Variants in UGT3A2 observed in about 807,000 individuals in gnomAD.
The protein encoded by UGT3A2 is UDP glycosyltransferase family 3 member A2, also known as UDP-glycosyltransferase 3A2.
Under a neutral mutation model 39.8 loss-of-function variants are expected in UGT3A2, and 32 were observed. That is an observed-to-expected ratio of 0.80 (90% CI 0.61 to 1.08). The LOEUF (loss-of-function observed/expected upper bound fraction) is 1.08, where lower values mean the gene tolerates loss of function less well. Ranked by LOEUF, UGT3A2 falls within the 50% of genes least tolerant of loss-of-function variation. The probability of loss-of-function intolerance (pLI) is 0.00; values close to 1 mark genes in which losing one functional copy is unlikely to be tolerated. For missense variants in UGT3A2, 611 were observed against 637.1 expected (o/e 0.96, Z 0.44); for synonymous variants, 241 against 230.7 (o/e 1.04, Z -0.40).
chr5:36,050,817 G>T (rs961867413), intron 3 of UGT3A2, among the ~76,000 whole-genome samples: 1 of 150,974 alleles, frequency 6.6e-6, no homozygotes, highest in East Asian at 1.9e-4. Flanking sequence ...AGCTGAGATC[G>T]CGCCATTGCA....
intron 2 of UGT3A2, among the ~76,000 whole-genome samples, chr5:36,061,058 G>A (rs999064392): frequency 2.0e-5 from 3 of 152,142 alleles, no homozygotes; most frequent in Non-Finnish European, 4.4e-5. Flanking sequence ...TGTAGTCCCA[G>A]TTATTTGGTA....
At chr5:36,055,074 G>T (rs1306265135) in intron 2 of UGT3A2, among the ~76,000 whole-genome samples, 1 of 151,754 alleles carries the variant, frequency 6.6e-6, no homozygotes, top group African/African-American at 2.4e-5. Flanking sequence ...GGGAGGAGGA[G>T]GTTGCAGTGA....
At position 36,066,848 on chromosome 5, in the gene UGT3A2, A is replaced by T; in HGVS notation, c.-59T>A. On this transcript the variant is annotated 5_prime_UTR_variant, in exon 1 of 7. Coordinates refer to ENST00000282507, the MANE Select transcript of UGT3A2 (RefSeq NM_174914.4). ...GGGCTGCGCGCCCTGCGCCCGGCTA[A>T]GGGACCCTGTGCACCTCAGTGCGCC... is the stretch of plus-strand genomic sequence containing the variant. 3 of 1,606,068 alleles carry T rather than the reference A, an allele frequency of 1.9e-6. No homozygotes were observed. Among genetic ancestry groups the T allele is most frequent in the Non-Finnish European group, 2.6e-6 (3 of 1,172,980 alleles).
At position 36,035,563 on chromosome 5, in the gene UGT3A2, C is replaced by T. The variant is rs1741790716; in HGVS notation, c.*135G>A. 1 of 1,324,868 alleles carries T rather than the reference C, an allele frequency of 7.5e-7. No individual in the cohort carries two copies. Among genetic ancestry groups the T allele is most frequent in the African/African-American group, 1.5e-5 (1 of 67,334 alleles). 82.1% of individuals were successfully genotyped at this position (1,324,868 alleles called of 1,614,324 possible). On this transcript the variant is annotated 3_prime_UTR_variant, in exon 7 of 7. Transcript: ENST00000282507. ...AGCAAGTGGAAAGGATGATTTTTGG[C>T]CATTTTTCCTGTTCTTCAAGAAAAC... is the stretch of plus-strand genomic sequence containing the variant.
rs117384727 is a variant in UGT3A2, at chr5:36,050,642, A to C, written c.312-1222T>G. On this transcript the variant is annotated intron_variant, in intron 3 of 6. Coordinates refer to ENST00000282507, the MANE Select transcript of UGT3A2 (RefSeq NM_174914.4). ...CTTTGGAGGTCAAGGAGGGTGGATC[A>C]CCTGAGGTTAGGAGTTTGAGACCAG... is the stretch of plus-strand genomic sequence containing the variant. 2.6e-3 allele frequency among the ~76,000 whole-genome samples: 394 copies of C among 152,336 alleles called. 13 individuals carry two copies. The East Asian group carries it at 0.065, about 25-fold the overall frequency.
chr5:36,055,521 T>G (rs1290465), intron 2 of UGT3A2, among the ~76,000 whole-genome samples: 10,217 of 152,104 alleles, frequency 0.067, 1,229 homozygotes, highest in African/African-American at 0.24. Context: ...TGTGAGCCAC[T>G]GTGCCCGGCC....
At chr5:36,066,651 T>G (rs1400250662) in intron 1 of UGT3A2, 45 bp downstream of exon 1, 13 of 1,612,428 alleles carry the variant, frequency 8.1e-6, no homozygotes, top group South Asian at 2.2e-5. Context: ...GCAGTGCGAG[T>G]ATCCGGGACG....
intron 2 of UGT3A2, among the ~76,000 whole-genome samples, chr5:36,058,152 A>G (rs939625906): frequency 3.3e-5 from 5 of 152,248 alleles, no homozygotes; most frequent in Non-Finnish European, 7.3e-5. Context: ...CAATGGATTA[A>G]TGGATAAACA....
intron 3 of UGT3A2, among the ~76,000 whole-genome samples, chr5:36,049,870 T>C (rs1742285774): frequency 6.6e-6 from 1 of 152,122 alleles, no homozygotes; most frequent in Non-Finnish European, 1.5e-5. Context: ...ATGTGCTACG[T>C]TTTAGCACTA....
intron 2 of UGT3A2, among the ~76,000 whole-genome samples, chr5:36,053,425 AC>A (rs999932417): frequency 4.6e-5 from 7 of 152,246 alleles, no homozygotes; most frequent in South Asian, 2.1e-4. Flanking sequence ...TATAAATTTT[AC>A]TTAGGTCCAC....
chr5:36,045,993 T>A (rs78634031), intron 4 of UGT3A2, among the ~76,000 whole-genome samples: 6,082 of 152,200 alleles, frequency 0.04, 194 homozygotes, highest in East Asian at 0.12. Flanking sequence ...TCAAAAGACA[T>A]ACAAATGGCA....
intron 2 of UGT3A2, 27 bp from the exon 3 acceptor site, chr5:36,052,011 AAAAGTT>A: frequency 6.8e-7 from 1 of 1,469,860 alleles, no homozygotes; most frequent in Non-Finnish European, 9.2e-7. Flanking sequence ...GGGTTAAAAA[AAAAGTT>A]AAATATGCTA....
intron 6 of UGT3A2, 47 bp from the exon 7 acceptor site, chr5:36,036,021 G>A (rs376365672): frequency 3.0e-5 from 48 of 1,593,234 alleles, no homozygotes; most frequent in Non-Finnish European, 3.9e-5. Flanking sequence ...GACCTCACAA[G>A]AGTTAGAATG....
At chr5:36,042,279 T>C (rs1742034354) in intron 4 of UGT3A2, among the ~76,000 whole-genome samples, 1 of 152,144 alleles carries the variant, frequency 6.6e-6, no homozygotes, top group South Asian at 2.1e-4. Context: ...GCTTAATTGT[T>C]TGTTTCTTTT....
chr5:36,038,193 GC>G (rs1243935057), intron 5 of UGT3A2, among the ~76,000 whole-genome samples, 177 bp from the exon 6 acceptor site: 19 of 152,192 alleles, frequency 1.2e-4, no homozygotes, highest in African/African-American at 4.3e-4. Flanking sequence ...AAGATTCCAA[GC>G]GTTGCTATCG....
intron 2 of UGT3A2, among the ~76,000 whole-genome samples, chr5:36,063,832 C>G (rs960822821): frequency 6.6e-6 from 1 of 152,120 alleles, no homozygotes; most frequent in African/African-American, 2.4e-5. Flanking sequence ...GACAGAGTGT[C>G]CCTATGTTGC....
Position 36,049,220 on chromosome 5 carries a change from C to A in UGT3A2, c.512G>T (p.Gly171Val), listed in dbSNP as rs1412201544. ...GATTGGTAGCCCAAATTCCAAAGAG[C>A]CGAATGAAGTGGAAAGAATGGCCAC... is the stretch of plus-strand genomic sequence containing the variant. ...PFVAILSTSFGSLEFGLPIPL... is the reference protein window; with the variant it reads ...PFVAILSTSFVSLEFGLPIPL... The change falls in exon 4 of 7, where the codon GGC becomes GTC. Residue 171 changes from glycine (G) to valine (V), a missense_variant. Physicochemically the swap from Gly to Val is moderately radical, Grantham distance 109. Transcript: ENST00000282507. 9.9e-6 allele frequency: 16 copies of A among 1,613,976 alleles called. No individual in the cohort carries two copies. The highest frequency in any genetic ancestry group is 1.3e-5 in the Non-Finnish European group (15 of 1,180,036).
Position 36,066,007 on chromosome 5 carries a change from A to G in UGT3A2, c.94+689T>C, listed in dbSNP as rs138821818. 8.9e-4 allele frequency among the ~76,000 whole-genome samples: 135 copies of G among 152,294 alleles called. 2 individuals carry two copies. The highest frequency in any genetic ancestry group is 3.1e-3 in the African/African-American group (130 of 41,554). ...TTTGGGGTAAAAGTAAAAGAAGTAA[A>G]ACTGAGACCCAAAATGCAGAATTAA... On this transcript the variant is annotated intron_variant, in intron 1 of 6. Coordinates refer to ENST00000282507, the MANE Select transcript of UGT3A2 (RefSeq NM_174914.4).
intron 2 of UGT3A2, among the ~76,000 whole-genome samples, chr5:36,054,389 T>G (rs1287265): frequency 1.3e-5 from 2 of 152,002 alleles, no homozygotes; most frequent in African/African-American, 4.8e-5. Context: ...TACACCCCTC[T>G]TGGAATGAAA....
Sources: gnomAD v4.1 joint callset for allele counts (sites outside exome capture counted in the v4.1 genomes callset) on GRCh38, gnomAD v4.1.1 for gene constraint, MANE v1.5 for transcripts, NCBI Gene and HGNC (gene_info 2026-07-23, HGNC 2026-07-21) for gene names.